PPP3CA: variants seen among roughly 807,000 people sequenced by gnomAD.
The protein encoded by PPP3CA is protein phosphatase 3 catalytic subunit alpha, also known as CAM-PRP catalytic subunit.
PPP3CA carries 14 observed loss-of-function variants against 66.5 expected under a neutral mutation model. That is an observed-to-expected ratio of 0.21 (90% CI 0.14 to 0.33). The LOEUF is 0.33. PPP3CA is among the 10% of genes least tolerant of loss of function. PPP3CA has a pLI of 1.00. For missense variants in PPP3CA, 317 were observed against 639.5 expected, an observed-to-expected ratio of 0.50 and a Z score of 5.44; for synonymous variants, 232 against 226.2, an observed-to-expected ratio of 1.03 and a Z score of -0.23.
intron 1 of PPP3CA, among the ~76,000 whole-genome samples, chr4:101,268,313 T>G (rs538116217): frequency 6.6e-6 from 1 of 152,266 alleles, no homozygotes; most frequent in South Asian, 2.1e-4. Context: ...CACCTAATCA[T>G]CGGTGAGAGA....
At chr4:101,140,777 T>G (rs1454321296) in intron 2 of PPP3CA, among the ~76,000 whole-genome samples, 1 of 152,208 alleles carries the variant, frequency 6.6e-6, no homozygotes, top group Non-Finnish European at 1.5e-5. Context: ...ATTCCCAATA[T>G]GTGTACACAG....
intron 2 of PPP3CA, among the ~76,000 whole-genome samples, chr4:101,124,705 GAAAGAA>G (rs1248366525): frequency 2.1e-5 from 2 of 96,834 alleles, no homozygotes; most frequent in East Asian, 2.8e-4. Flanking sequence ...AAGAAAGAAA[GAAAGAA>G]AGAAAGAAAG....
intron 6 of PPP3CA, among the ~76,000 whole-genome samples, chr4:101,089,446 G>A (rs1011344540): frequency 1.3e-5 from 2 of 152,198 alleles, no homozygotes; most frequent in African/African-American, 4.8e-5. Context: ...AGTGATTTGA[G>A]TGAGTTGCTA....
chr4:101,233,737 T>TC (rs1351742992), intron 1 of PPP3CA, among the ~76,000 whole-genome samples: 1 of 148,814 alleles, frequency 6.7e-6, no homozygotes, highest in Non-Finnish European at 1.5e-5. Context: ...ACAGGTCTTT[T>TC]TTTTTTTTTA....
intron 12 of PPP3CA, among the ~76,000 whole-genome samples, chr4:101,030,383 G>A (rs1252519776): frequency 1.3e-5 from 2 of 152,082 alleles, no homozygotes; most frequent in East Asian, 3.9e-4. Context: ...GAGAGAGAGA[G>A]TACATAGCAA....
intron 1 of PPP3CA, among the ~76,000 whole-genome samples, chr4:101,328,103 G>C (rs1729262068): frequency 6.6e-6 from 1 of 152,116 alleles, no homozygotes; most frequent in South Asian, 2.1e-4. Context: ...GTGTGAAATT[G>C]GAGCTCCCCG....
Position 101,040,573 on chromosome 4 carries a change from T to C in PPP3CA, c.1157-7A>G, listed in dbSNP as rs775409378. 1.2e-6 allele frequency: 2 copies of C among 1,608,498 alleles called. No homozygotes were observed. Among genetic ancestry groups the C allele is most frequent in the Non-Finnish European group, 1.7e-6 (2 of 1,177,140 alleles). ...CGGGCTGCAGCTGTTGCACCTGTATTTTCAAACAGAGTTCAGTGGTCAGTA... is the reference window on the plus strand; with the variant it reads ...CGGGCTGCAGCTGTTGCACCTGTATCTTCAAACAGAGTTCAGTGGTCAGTA... On this transcript the variant is annotated splice_region_variant and splice_polypyrimidine_tract_variant and intron_variant, in intron 10 of 13. Transcript: ENST00000394854.
At chr4:101,137,632 G>T (rs528715518) in intron 2 of PPP3CA, among the ~76,000 whole-genome samples, 1 of 152,206 alleles carries the variant, frequency 6.6e-6, no homozygotes, top group Admixed American at 6.5e-5. Context: ...GAAGAGCTGA[G>T]CACCCACTCT....
chr4:101,103,117 CTGATAA>C (rs1730521318), intron 3 of PPP3CA, among the ~76,000 whole-genome samples: 1 of 152,018 alleles, frequency 6.6e-6, no homozygotes, highest in African/African-American at 2.4e-5. Context: ...AATTGGTTCA[CTGATAA>C]TAATAGTGCA....
chr4:101,100,265 C>A (rs1730383047), intron 3 of PPP3CA, among the ~76,000 whole-genome samples: 1 of 151,984 alleles, frequency 6.6e-6, no homozygotes, highest in Admixed American at 6.6e-5. Context: ...ATAGAAAATA[C>A]AGACGCAGTT....
Position 101,080,587 on chromosome 4 carries a change from A to G in PPP3CA, c.900T>C (p.Pro300=). The part of the protein sequence containing the change: ...MYRKSQTTGF[P]SLITIFSAPN... ...GTGCTGAAAAAATTGTAATTAGAGA[A>G]GGGAAGCCTGTTGTTTGGCTTTTCC... The change falls in exon 8 of 14, where the codon CCT becomes CCC. Residue 300 remains proline (P), a synonymous_variant. Coordinates refer to ENST00000394854, the MANE Select transcript of PPP3CA (RefSeq NM_000944.5). The G allele has an allele frequency of 6.5e-7, 1 of 1,535,642 alleles. No individual in the cohort carries two copies. The highest frequency in any genetic ancestry group is 8.9e-7 in the Non-Finnish European group (1 of 1,129,746).
intron 2 of PPP3CA, among the ~76,000 whole-genome samples, chr4:101,195,658 A>G (rs555256120): frequency 6.6e-6 from 1 of 152,306 alleles, no homozygotes; most frequent in East Asian, 1.9e-4. Context: ...ATCACTTCTT[A>G]AAGTATCACT....
chr4:101,077,609 A>G lies in PPP3CA; in HGVS notation c.955+2923T>C, dbSNP rs564209578. Among the ~76,000 whole-genome samples, 33 of 152,356 alleles carry G rather than the reference A, an allele frequency of 2.2e-4. No individual in the cohort carries two copies. In the South Asian group the frequency reaches 6.6e-3, roughly 31 times the overall value. On this transcript the variant is annotated intron_variant, in intron 8 of 13. Coordinates refer to ENST00000394854, the MANE Select transcript of PPP3CA (RefSeq NM_000944.5). ...CTTTAAAGTGCTTCAGAAATTTTAC[A>G]TAAAAGTCTTTTGAAATTTTGTTTA...
chr4:101,099,633 C>G lies in PPP3CA; in HGVS notation c.474G>C (p.Glu158Asp). ...RGNHECRHLT[E>D]YFTFKQECKI... is the part of the protein sequence containing the mutation. ...TACATTCTTGTTTAAATGTGAAATACTCTGTTAGATGTCTACATTCATGAT... is the reference window on the plus strand; with the variant it reads ...TACATTCTTGTTTAAATGTGAAATAGTCTGTTAGATGTCTACATTCATGAT... The change falls in exon 4 of 14, where the codon GAG becomes GAC. Residue 158 changes from glutamate (E) to aspartate (D), a missense_variant. Coordinates refer to ENST00000394854, the MANE Select transcript of PPP3CA (RefSeq NM_000944.5). The G allele has an allele frequency of 6.3e-7, 1 of 1,583,264 alleles. No homozygotes were observed. Among genetic ancestry groups the G allele is most frequent in the East Asian group, 2.3e-5 (1 of 43,366 alleles).
chr4:101,212,021 C>A (rs1725313332), intron 1 of PPP3CA, among the ~76,000 whole-genome samples: 1 of 152,176 alleles, frequency 6.6e-6, no homozygotes, highest in Admixed American at 6.6e-5. Flanking sequence ...ACTGAGACCA[C>A]ACTTGCAAAA....
At chr4:101,070,722 G>A (rs568685072) in intron 8 of PPP3CA, among the ~76,000 whole-genome samples, 1 of 152,122 alleles carries the variant, frequency 6.6e-6, no homozygotes, top group African/African-American at 2.4e-5. Flanking sequence ...AGGCAGGCAT[G>A]GCTATCTATT....
chr4:101,163,258 T>C lies in PPP3CA; in HGVS notation c.259+32658A>G, dbSNP rs949179579. On this transcript the variant is annotated intron_variant, in intron 2 of 13. Transcript: ENST00000394854. ...CAGCAACAAGAAACCTGAACTGATATATTCCTCTGCTTTTTCTAAAAATTT... is the reference window on the plus strand; with the variant it reads ...CAGCAACAAGAAACCTGAACTGATACATTCCTCTGCTTTTTCTAAAAATTT... 3.9e-5 allele frequency among the ~76,000 whole-genome samples: 6 copies of C among 152,288 alleles called. No homozygotes were observed. The South Asian group carries it at 1.0e-3, about 26-fold the overall frequency.
chr4:101,094,411 T>C (rs1578440532), intron 5 of PPP3CA, among the ~76,000 whole-genome samples: 1 of 152,202 alleles, frequency 6.6e-6, no homozygotes, highest in Non-Finnish European at 1.5e-5. Flanking sequence ...CATGCTTATG[T>C]TATTTTTTTA....
At chr4:101,051,389 T>C (rs1045112377) in intron 10 of PPP3CA, among the ~76,000 whole-genome samples, 2 of 152,154 alleles carry the variant, frequency 1.3e-5, no homozygotes, top group African/African-American at 4.8e-5. Flanking sequence ...GTTCCATCAG[T>C]TATCAATTAC....
Sources: allele counts gnomAD v4.1 joint callset (sites outside exome capture counted in the v4.1 genomes callset), GRCh38; gene constraint gnomAD v4.1.1; transcripts MANE v1.5; gene names NCBI Gene and HGNC (gene_info 2026-07-23, HGNC 2026-07-21).